Variants in SLC25A19 observed in about 807,000 individuals in gnomAD.
SLC25A19 encodes solute carrier family 25 member 19, also known as mitochondrial thiamine pyrophosphate carrier.
SLC25A19 carries 18 observed loss-of-function variants against 27.9 expected under a neutral mutation model. The ratio of observed to expected loss-of-function variants is 0.64; its 90% CI spans 0.45 to 0.96. The LOEUF is 0.96. Among genes scored for constraint, SLC25A19 ranks in the 40% least tolerant of loss-of-function variants. The pLI, the probability that SLC25A19 is intolerant of heterozygous loss-of-function variation, is 0.00. For missense variants in SLC25A19, 371 were observed against 418.3 expected (o/e 0.89, Z 0.99); for synonymous variants, 169 against 167.1 (o/e 1.01, Z -0.09).
At chr17:75,289,178 G>A (rs897384108) in intron 1 of SLC25A19, 176 bp downstream of exon 1, 1 of 152,434 alleles carries the variant, frequency 6.6e-6, no homozygotes, top group African/African-American at 2.4e-5. Flanking sequence ...GCGTGCGCGG[G>A]GCTCGGCCGC....
Position 75,289,365 on chromosome 17 carries a change from G to GGTGCGGCCCGGCTCCGCGC in SLC25A19, c.-141_-140insGCGCGGAGCCGGGCCGCAC, listed in dbSNP as rs1354562433. The GGTGCGGCCCGGCTCCGCGC allele has an allele frequency of 6.6e-6, 1 of 151,960 alleles. No individual in the cohort carries two copies. The highest frequency in any genetic ancestry group is 1.5e-5 in the Non-Finnish European group (1 of 68,198). 9.4% of individuals were successfully genotyped at this position (151,960 alleles called of 1,614,324 possible). On this transcript the variant is annotated 5_prime_UTR_variant, in exon 1 of 8. Transcript: ENST00000416858. ...TAGAGGTTACTCACACGGCTCGGCG[G>GGTGCGGCCCGGCTCCGCGC]GTGCGGCCCGGCTCAGCGCTCTCCG...
chr17:75,280,039 A>C (rs1053602803), intron 5 of SLC25A19, among the ~76,000 whole-genome samples: 1 of 152,152 alleles, frequency 6.6e-6, no homozygotes, highest in Non-Finnish European at 1.5e-5. Flanking sequence ...TCCCACTAAC[A>C]GTATCCTAAA....
At position 75,279,554 on chromosome 17, in the gene SLC25A19, C is replaced by T. The variant is rs559254315; in HGVS notation, c.460-1219G>A. ...ACGAAGTCTTGCTATGTTGCCTAGGCTGGAGTTGCCTAGGCACAATCTTGG... is the reference window on the plus strand; with the variant it reads ...ACGAAGTCTTGCTATGTTGCCTAGGTTGGAGTTGCCTAGGCACAATCTTGG... On this transcript the variant is annotated intron_variant, in intron 5 of 7. Coordinates refer to ENST00000416858, the MANE Select transcript of SLC25A19 (RefSeq NM_001126121.2). Among the ~76,000 whole-genome samples the T allele has an allele frequency of 2.9e-5, 4 of 137,426 alleles. No homozygotes were observed. The East Asian group carries it at 8.4e-4, about 29-fold the overall frequency. 90.2% of individuals were successfully genotyped at this position (137,426 alleles called of 152,430 possible). A position where few individuals can be genotyped will look rare whatever the true frequency, so the allele number is the denominator to read the frequency against.
intron 5 of SLC25A19, among the ~76,000 whole-genome samples, chr17:75,282,787 G>A (rs1435435754): frequency 6.6e-6 from 1 of 151,740 alleles, no homozygotes; most frequent in African/African-American, 2.4e-5. Flanking sequence ...AGGAGGCGGA[G>A]CTTGCAGTAG....
intron 7 of SLC25A19, among the ~76,000 whole-genome samples, chr17:75,274,759 G>C (rs1404720543): frequency 5.9e-5 from 9 of 151,914 alleles, no homozygotes; most frequent in Admixed American, 6.6e-5. Context: ...CCAGGCAACA[G>C]AGCGATATCC....
At chr17:75,286,967 GA>G in intron 2 of SLC25A19, 165 bp from the exon 3 acceptor site, 2 of 620,652 alleles carry the variant, frequency 3.2e-6, no homozygotes, top group Non-Finnish European at 5.6e-6. Flanking sequence ...TTCGGAGGCC[GA>G]GGTGGGTGGA....
At chr17:75,281,648 GA>G (rs1349172922) in intron 5 of SLC25A19, among the ~76,000 whole-genome samples, 1 of 152,156 alleles carries the variant, frequency 6.6e-6, no homozygotes, top group Non-Finnish European at 1.5e-5. Context: ...AGTGAGCTGA[GA>G]TTGCGCCACT....
chr17:75,280,981 C>T (rs1427902455), intron 5 of SLC25A19, among the ~76,000 whole-genome samples: 1 of 149,126 alleles, frequency 6.7e-6, no homozygotes, highest in Non-Finnish European at 1.5e-5. Flanking sequence ...GAGTTCAAGA[C>T]CAGCCTGAGC....
In SLC25A19 at chr17:75,273,594, G is replaced by A; in HGVS notation, c.820C>T (p.Gln274Ter). 2 of 1,613,704 alleles carry A rather than the reference G, an allele frequency of 1.2e-6. No individual in the cohort carries two copies. The highest frequency in any genetic ancestry group is 1.7e-6 in the Non-Finnish European group (2 of 1,179,936). Residue 274 changes from glutamine to a stop codon, truncating the protein, a stop_gained, in exon 8 of 8, where the codon CAA becomes TAA. Transcript: ENST00000416858. LOFTEE classifies it high-confidence loss of function. Reference protein sequence around the residue: ...GLMDCAKQVLQKEGALGFFKG... With the variant: ...GLMDCAKQVL ...AAGAAGCCCAGGGCGCCTTCCTTTTGCAGCACCTGCTTGGCACAGTCCATG... is the reference window on the plus strand; with the variant it reads ...AAGAAGCCCAGGGCGCCTTCCTTTTACAGCACCTGCTTGGCACAGTCCATG...
intron 7 of SLC25A19, among the ~76,000 whole-genome samples, chr17:75,275,970 C>CAAAA (rs543517521): frequency 6.8e-6 from 1 of 147,212 alleles, no homozygotes; most frequent in Admixed American, 6.8e-5. Flanking sequence ...GACTCCGTCT[C>CAAAA]AAAAAATATA....
chr17:75,284,127 G>A (rs939318413), intron 4 of SLC25A19, among the ~76,000 whole-genome samples: 4 of 149,966 alleles, frequency 2.7e-5, no homozygotes, highest in African/African-American at 9.8e-5. Context: ...AAAAAAGACT[G>A]GGTGCAGTGG....
chr17:75,278,406 CT>C, intron 5 of SLC25A19, 71 bp from the exon 6 acceptor site: 1 of 1,563,146 alleles, frequency 6.4e-7, no homozygotes. Context: ...CATCATAGCT[CT>C]GTCCCCTCGC....
intron 7 of SLC25A19, among the ~76,000 whole-genome samples, chr17:75,274,727 A>G (rs1567832689): frequency 6.6e-6 from 1 of 152,088 alleles, no homozygotes; most frequent in Non-Finnish European, 1.5e-5. Flanking sequence ...GGATCGCTTG[A>G]GCCCAGGAGT....
chr17:75,283,765 C>T (rs560884271), intron 4 of SLC25A19, among the ~76,000 whole-genome samples, 172 bp from the exon 5 acceptor site: 27 of 152,278 alleles, frequency 1.8e-4, no homozygotes, highest in South Asian at 2.1e-4. Context: ...CAACATTCTA[C>T]GCAAAACTCG....
In SLC25A19 at chr17:75,286,722, T is replaced by C; in HGVS notation, c.43A>G (p.Lys15Glu). Residue 15 changes from lysine (K) to glutamate (E), a missense_variant, in exon 3 of 8, where the codon AAG (lysine) becomes GAG (glutamate). Lys to Glu is a moderately conservative substitution (Grantham distance 56). Transcript: ENST00000416858. Reference sequence around the variant, plus strand: ...GACCCAGCCACTGCCACCTGGAACTTGGTGTTATTCCTGCCATCTGGTTTG... The same window carrying C: ...GACCCAGCCACTGCCACCTGGAACTCGGTGTTATTCCTGCCATCTGGTTTG... ...DPKPDGRNNTKFQVAVAGSVS... is the reference protein window; with the variant it reads ...DPKPDGRNNTEFQVAVAGSVS... 2 of 1,614,178 alleles carry C rather than the reference T, an allele frequency of 1.2e-6. No individual in the cohort carries two copies. The highest frequency in any genetic ancestry group is 1.7e-6 in the Non-Finnish European group (2 of 1,180,038).
intron 5 of SLC25A19, among the ~76,000 whole-genome samples, chr17:75,281,036 TA>T (rs1014250827): frequency 7.1e-6 from 1 of 140,576 alleles, no homozygotes; most frequent in African/African-American, 2.7e-5. Flanking sequence ...AATAAAAAAA[TA>T]AAAAATTAGT....
chr17:75,289,025 GT>G (rs1333517607), intron 1 of SLC25A19: 1 of 152,302 alleles, frequency 6.6e-6, no homozygotes, highest in Non-Finnish European at 1.5e-5. Flanking sequence ...TCTTCCTGGT[GT>G]TCGGGTGCCC....
chr17:75,277,345 C>T lies in SLC25A19; in HGVS notation c.774+8G>A, dbSNP rs1163171894. 13 of 1,612,478 alleles carry T rather than the reference C, an allele frequency of 8.1e-6. 1 individual carries two copies. Among genetic ancestry groups the T allele is most frequent in the African/African-American group, 1.3e-5 (1 of 74,876 alleles). ...TCAGAGCTGTCTGCCTGGGAGTGAACGGCTCACCTGGCCAAAGGCAGCTCT... is the reference window on the plus strand; with the variant it reads ...TCAGAGCTGTCTGCCTGGGAGTGAATGGCTCACCTGGCCAAAGGCAGCTCT... On this transcript the variant is annotated splice_region_variant and intron_variant, in intron 7 of 7. Coordinates refer to ENST00000416858, the MANE Select transcript of SLC25A19 (RefSeq NM_001126121.2).
At chr17:75,280,400 T>C (rs1456970741) in intron 5 of SLC25A19, among the ~76,000 whole-genome samples, 1 of 151,972 alleles carries the variant, frequency 6.6e-6, no homozygotes, top group Non-Finnish European at 1.5e-5. Context: ...CCAGGCATGG[T>C]GACTCATGCC....
Sources: allele counts gnomAD v4.1 joint callset (sites outside exome capture counted in the v4.1 genomes callset), GRCh38; gene constraint gnomAD v4.1.1; transcripts MANE v1.5; gene names NCBI Gene and HGNC (gene_info 2026-07-23, HGNC 2026-07-21).